QTGAL: variants seen among roughly 807,000 people sequenced by gnomAD.
QTGAL encodes the protein BGnT-like protein 1.
At chr17:83,050,607 G>T in the QTGAL span, among the ~76,000 whole-genome samples, 1 of 152,200 alleles carries the variant, frequency 6.6e-6, no homozygotes, top group African/African-American at 2.4e-5. Context: ...CAGAAAACAT[G>T]CTGAGCCTTT....
chr17:82,971,028 C>T, the QTGAL span, among the ~76,000 whole-genome samples: 8 of 152,222 alleles, frequency 5.3e-5, no homozygotes, highest in South Asian at 4.1e-4. Flanking sequence ...GGGCGCAGTG[C>T]GTTCCTGCGA....
the QTGAL span, among the ~76,000 whole-genome samples, chr17:82,955,796 G>C: frequency 0.065 from 9,820 of 152,160 alleles, 591 homozygotes; most frequent in African/African-American, 0.15. Flanking sequence ...GGCACATATA[G>C]CCCATGGAAT....
chr17:82,997,214 C>T, the QTGAL span, among the ~76,000 whole-genome samples: 2 of 152,102 alleles, frequency 1.3e-5, no homozygotes, highest in South Asian at 2.1e-4. Context: ...TAGAATAATC[C>T]GATTAAATGT....
At chr17:82,967,093 C>T in the QTGAL span, among the ~76,000 whole-genome samples, 3 of 152,166 alleles carry the variant, frequency 2.0e-5, no homozygotes, top group Non-Finnish European at 4.4e-5. Flanking sequence ...AATGAGTTTT[C>T]GGTAGGGAAG....
chr17:83,045,138 A>G, the QTGAL span, among the ~76,000 whole-genome samples: 1,979 of 152,344 alleles, frequency 0.013, 47 homozygotes, highest in African/African-American at 0.045. Context: ...TTTATCCCCT[A>G]GAAATGAGCA....
At chr17:83,007,376 G>T in the QTGAL span, 1 of 644,264 alleles carries the variant, frequency 1.6e-6, no homozygotes, top group Non-Finnish European at 1.9e-6. Flanking sequence ...ATCTACCTAC[G>T]TACAATTGCA....
chr17:82,949,978 CTT>C, the QTGAL span: 1 of 152,184 alleles, frequency 6.6e-6, no homozygotes, highest in African/African-American at 2.4e-5. Context: ...TTTCCTGTCA[CTT>C]TGCTAATATG....
At chr17:83,007,217 C>G in the QTGAL span, 1 of 985,216 alleles carries the variant, frequency 1.0e-6, no homozygotes, top group Non-Finnish European at 1.2e-6. Flanking sequence ...CCTTTCATGT[C>G]TCTCTCCTAA....
At chr17:83,021,637 C>CAGTT in the QTGAL span, among the ~76,000 whole-genome samples, 1 of 152,058 alleles carries the variant, frequency 6.6e-6, no homozygotes, top group Non-Finnish European at 1.5e-5. Flanking sequence ...CAGGCTTGAC[C>CAGTT]AGTTCATTCT....
chr17:83,014,366 T>C, the QTGAL span: 1 of 1,430,684 alleles, frequency 7.0e-7, no homozygotes. Flanking sequence ...GCCTGATTCT[T>C]TCCACCCCTA....
chr17:82,991,594 G>C, the QTGAL span, among the ~76,000 whole-genome samples: 1 of 152,136 alleles, frequency 6.6e-6, no homozygotes, highest in South Asian at 2.1e-4. Context: ...GGACAGGTAC[G>C]AACAAACATA....
At chr17:83,009,548 G>A in the QTGAL span, among the ~76,000 whole-genome samples, 1 of 152,222 alleles carries the variant, frequency 6.6e-6, no homozygotes, top group Non-Finnish European at 1.5e-5. Context: ...CTCTAAAGAC[G>A]GTGGCAAGAA....
chr17:82,983,315 G>A, the QTGAL span, among the ~76,000 whole-genome samples: 1 of 152,174 alleles, frequency 6.6e-6, no homozygotes, highest in Non-Finnish European at 1.5e-5. Context: ...CAATTTTTAT[G>A]TGAGTCTAAA....
the QTGAL span, among the ~76,000 whole-genome samples, chr17:83,020,121 T>G: frequency 5.3e-5 from 8 of 152,126 alleles, no homozygotes; most frequent in African/African-American, 1.4e-4. Flanking sequence ...TCTAAAGAGA[T>G]AGTGAATTTG....
At chr17:82,965,604 G>A in the QTGAL span, 3 of 1,511,454 alleles carry the variant, frequency 2.0e-6, no homozygotes, top group East Asian at 2.4e-5. Context: ...ACAGAGACAG[G>A]GCCCCGAACC....
At chr17:82,972,468 A>G in the QTGAL span, among the ~76,000 whole-genome samples, 3 of 127,602 alleles carry the variant, frequency 2.4e-5, no homozygotes, top group Non-Finnish European at 4.7e-5. Flanking sequence ...ACCACACCAC[A>G]CCACAGGGGC....
At chr17:83,002,056 CTTTTT>C in the QTGAL span, among the ~76,000 whole-genome samples, 1 of 148,484 alleles carries the variant, frequency 6.7e-6, no homozygotes, top group African/African-American at 2.5e-5. Flanking sequence ...GCCACTGCGC[CTTTTT>C]TTTTTTTTTA....
the QTGAL span, among the ~76,000 whole-genome samples, chr17:82,997,254 A>G: frequency 6.6e-6 from 1 of 152,258 alleles, no homozygotes; most frequent in East Asian, 1.9e-4. Flanking sequence ...ACACTTCTCA[A>G]AAGAAGACAA....
At chr17:82,975,957 A>AAC in the QTGAL span, among the ~76,000 whole-genome samples, 1 of 52,244 alleles carries the variant, frequency 1.9e-5, no homozygotes. Flanking sequence ...CACTATGGAG[A>AAC]GTCAGGGCCC....
Sources: allele counts gnomAD v4.1 joint callset (sites outside exome capture counted in the v4.1 genomes callset), GRCh38; gene constraint gnomAD v4.1.1; transcripts MANE v1.5; gene names NCBI Gene and HGNC (gene_info 2026-07-23, HGNC 2026-07-21).